Variants in EPHA6 observed in about 807,000 individuals in gnomAD.
The protein encoded by EPHA6 is ephrin type-A receptor 6.
Under a neutral mutation model 112.0 loss-of-function variants are expected in EPHA6, and 50 were observed. The observed-to-expected ratio is 0.45, with a 90% confidence interval of 0.36 to 0.56. The LOEUF is 0.56. Among genes scored for constraint, EPHA6 ranks in the 20% least tolerant of loss-of-function variants. EPHA6 has a pLI of 0.00. For synonymous variants in EPHA6, 529 were observed against 490.7 expected (o/e 1.08, Z -1.03); for missense variants, 1,280 against 1,417.4 (o/e 0.90, Z 1.56).
intron 5 of EPHA6, among the ~76,000 whole-genome samples, chr3:97,272,662 G>A (rs1337994234): frequency 6.6e-6 from 1 of 151,938 alleles, no homozygotes. Flanking sequence ...CAGGGGTGGG[G>A]GTCACAGGGT....
intron 3 of EPHA6, among the ~76,000 whole-genome samples, chr3:97,145,016 A>G (rs1258596089): frequency 1.3e-5 from 2 of 151,438 alleles, no homozygotes; most frequent in Non-Finnish European, 3.0e-5. Flanking sequence ...CATCTCCTCA[A>G]AGCTTCTTGA....
intron 2 of EPHA6, among the ~76,000 whole-genome samples, chr3:96,939,060 A>T (rs1440765246): frequency 1.3e-5 from 2 of 152,130 alleles, no homozygotes; most frequent in African/African-American, 2.4e-5. Context: ...TATTGGTCTA[A>T]AATTCTCTTT....
chr3:97,577,661 TAAC>T (rs2093399633), intron 11 of EPHA6, among the ~76,000 whole-genome samples: 1 of 152,202 alleles, frequency 6.6e-6, no homozygotes, highest in South Asian at 2.1e-4. Context: ...CCTCATGACA[TAAC>T]CAGTTAAAAT....
chr3:97,174,093 A>ATT (rs11390262), intron 3 of EPHA6, among the ~76,000 whole-genome samples: 27 of 148,148 alleles, frequency 1.8e-4, no homozygotes, highest in African/African-American at 5.2e-4. Context: ...CATGAGTTCA[A>ATT]TTTTTTTTTT....
intron 7 of EPHA6, among the ~76,000 whole-genome samples, chr3:97,452,294 T>C (rs1399012731): frequency 6.6e-6 from 1 of 151,954 alleles, no homozygotes; most frequent in South Asian, 2.1e-4. Flanking sequence ...ACTGGAGCTA[T>C]TGGTTTCCCC....
intron 2 of EPHA6, among the ~76,000 whole-genome samples, chr3:96,922,654 C>G (rs992568955): frequency 1.3e-5 from 2 of 149,726 alleles, no homozygotes; most frequent in Admixed American, 6.6e-5. Context: ...TTTTTTTTTT[C>G]CGACTTTGAA....
At chr3:97,198,694 T>C (rs1414181063) in intron 3 of EPHA6, among the ~76,000 whole-genome samples, 1 of 152,176 alleles carries the variant, frequency 6.6e-6, no homozygotes, top group Non-Finnish European at 1.5e-5. Context: ...ATAAAAATTA[T>C]CTTATTATTT....
chr3:97,644,202 G>A (rs1371281835), intron 14 of EPHA6, among the ~76,000 whole-genome samples: 7 of 151,926 alleles, frequency 4.6e-5, no homozygotes, highest in Non-Finnish European at 1.0e-4. Context: ...GATACATAAC[G>A]AAATTAAGGC....
intron 2 of EPHA6, 49 bp downstream of exon 2, chr3:96,866,938 TCTC>T (rs1256607590): frequency 4.5e-6 from 5 of 1,119,464 alleles, no homozygotes; most frequent in East Asian, 2.9e-5. Context: ...ATTTTTAAGA[TCTC>T]CTAATAGTTG....
intron 2 of EPHA6, among the ~76,000 whole-genome samples, chr3:96,937,861 G>A (rs1219156911): frequency 1.3e-5 from 2 of 152,148 alleles, no homozygotes; most frequent in Non-Finnish European, 2.9e-5. Flanking sequence ...TTATTAAATA[G>A]GGAATCCTTT....
At chr3:97,243,153 G>A (rs907555163) in intron 4 of EPHA6, among the ~76,000 whole-genome samples, 22 of 151,826 alleles carry the variant, frequency 1.4e-4, no homozygotes, top group African/African-American at 5.3e-4. Context: ...CCCCTCCTTA[G>A]ACTGACTTGG....
intron 5 of EPHA6, among the ~76,000 whole-genome samples, chr3:97,297,048 C>T (rs2080897688): frequency 6.6e-6 from 1 of 152,196 alleles, no homozygotes; most frequent in Admixed American, 6.5e-5. Flanking sequence ...CATGAACTCT[C>T]TCTTTGGAGT....
intron 3 of EPHA6, among the ~76,000 whole-genome samples, chr3:97,000,288 CACACAT>C (rs1445660920): frequency 5.7e-5 from 3 of 52,206 alleles, no homozygotes; most frequent in Non-Finnish European, 9.8e-5. Flanking sequence ...CACACACACA[CACACAT>C]ATATATAGCC....
At chr3:96,869,725 T>C (rs564259215) in intron 2 of EPHA6, among the ~76,000 whole-genome samples, 1 of 152,220 alleles carries the variant, frequency 6.6e-6, no homozygotes, top group East Asian at 1.9e-4. Context: ...TACATAGTTG[T>C]ATTGGACTTA....
chr3:97,465,140 G>A (rs575863292), intron 7 of EPHA6, among the ~76,000 whole-genome samples: 147 of 151,976 alleles, frequency 9.7e-4, no homozygotes, highest in African/African-American at 3.4e-3. Flanking sequence ...AAGGTGAATG[G>A]GTATGTCAGG....
At chr3:97,701,713 A>T (rs556070530) in intron 14 of EPHA6, among the ~76,000 whole-genome samples, 228 of 151,676 alleles carry the variant, frequency 1.5e-3, no homozygotes, top group African/African-American at 5.2e-3. Context: ...TTCTTTTTTT[A>T]TATATACCTA....
intron 3 of EPHA6, among the ~76,000 whole-genome samples, chr3:97,105,565 G>C (rs111410130): frequency 1.4e-3 from 213 of 152,206 alleles, no homozygotes; most frequent in Admixed American, 2.8e-3. Flanking sequence ...ATTATTTTCT[G>C]TCTGATTGTG....
chr3:96,880,476 C>T (rs1242827814), intron 2 of EPHA6, among the ~76,000 whole-genome samples: 4 of 151,858 alleles, frequency 2.6e-5, no homozygotes, highest in Non-Finnish European at 4.4e-5. Context: ...TTCTCAGTAC[C>T]CTGTAAATGT....
intron 5 of EPHA6, among the ~76,000 whole-genome samples, chr3:97,340,793 C>G (rs2083266403): frequency 6.6e-6 from 1 of 152,162 alleles, no homozygotes; most frequent in African/African-American, 2.4e-5. Flanking sequence ...CCTGGTGTTG[C>G]TTCCTCTTCC....
Sources: gnomAD v4.1 joint callset for allele counts (sites outside exome capture counted in the v4.1 genomes callset) on GRCh38, gnomAD v4.1.1 for gene constraint, MANE v1.5 for transcripts, NCBI Gene and HGNC (gene_info 2026-07-23, HGNC 2026-07-21) for gene names.